MACROD2: variants seen among roughly 807,000 people sequenced by gnomAD.
MACROD2 encodes ADP-ribose glycohydrolase MACROD2.
In MACROD2, 36 loss-of-function variants were observed where a neutral mutation model predicts 70.4. That is an observed-to-expected ratio of 0.51 (90% confidence interval 0.39 to 0.68). The LOEUF is 0.68. Ranked by LOEUF, MACROD2 falls within the 30% of genes least tolerant of loss-of-function variation. The probability of loss-of-function intolerance (pLI) is 0.00; values close to 1 mark genes in which losing one functional copy is unlikely to be tolerated. For synonymous variants in MACROD2, 172 were observed against 178.8 expected, an observed-to-expected ratio of 0.96 and a Z score of 0.30; for missense variants, 496 against 538.4, an observed-to-expected ratio of 0.92 and a Z score of 0.78.
chr20:14,575,017 C>CAAAAAAAAAAAAAAAAAAA (rs1195216470), intron 4 of MACROD2, among the ~76,000 whole-genome samples: 3 of 49,942 alleles, frequency 6.0e-5, no homozygotes, highest in African/African-American at 1.5e-4. Flanking sequence ...GACTCTGTCT[C>CAAAAAAAAAAAAAAAAAAA]AAAAAAAAAA....
At chr20:15,512,054 G>A (rs2047507349) in intron 8 of MACROD2, among the ~76,000 whole-genome samples, 1 of 152,204 alleles carries the variant, frequency 6.6e-6, no homozygotes, top group Non-Finnish European at 1.5e-5. Flanking sequence ...AAAAGGCTAT[G>A]TTAAGTGAGA....
intron 3 of MACROD2, among the ~76,000 whole-genome samples, chr20:14,109,910 TA>T (rs376716569): frequency 6.6e-5 from 10 of 151,382 alleles, no homozygotes; most frequent in East Asian, 1.9e-4. Flanking sequence ...GAAAGACACA[TA>T]AAAAAAACAC....
At chr20:15,879,640 A>G (rs760624142) in intron 9 of MACROD2, among the ~76,000 whole-genome samples, 1 of 152,170 alleles carries the variant, frequency 6.6e-6, no homozygotes, top group Non-Finnish European at 1.5e-5. Flanking sequence ...ACAATTTTTC[A>G]AAAAAAGTTT....
chr20:15,612,436 C>T (rs548923651), intron 8 of MACROD2, among the ~76,000 whole-genome samples: 1 of 152,318 alleles, frequency 6.6e-6, no homozygotes, highest in African/African-American at 2.4e-5. Flanking sequence ...TGTCTTCTCC[C>T]ATTAAGGCCT....
chr20:15,095,276 C>T (rs1010605371), intron 5 of MACROD2, among the ~76,000 whole-genome samples: 4 of 151,414 alleles, frequency 2.6e-5, no homozygotes, highest in Non-Finnish European at 4.4e-5. Flanking sequence ...GGGGTTTCAC[C>T]GTGTTAGCTA....
intron 5 of MACROD2, among the ~76,000 whole-genome samples, chr20:15,084,059 G>GT (rs5840650): frequency 0.49 from 53,730 of 109,950 alleles, 11,580 homozygotes; most frequent in Non-Finnish European, 0.54. Flanking sequence ...GCAACACTAG[G>GT]TTTTTTTTTT....
At chr20:14,254,582 A>C (rs1465477798) in intron 3 of MACROD2, among the ~76,000 whole-genome samples, 1 of 152,094 alleles carries the variant, frequency 6.6e-6, no homozygotes, top group Admixed American at 6.6e-5. Flanking sequence ...TTTTATCTAA[A>C]AGAAATTCAG....
At chr20:15,688,765 C>T (rs2050260527) in intron 8 of MACROD2, among the ~76,000 whole-genome samples, 1 of 151,984 alleles carries the variant, frequency 6.6e-6, no homozygotes, top group Non-Finnish European at 1.5e-5. Flanking sequence ...GGGTCCTATG[C>T]CATATGAATG....
chr20:15,393,046 C>T (rs1257762052), intron 6 of MACROD2, among the ~76,000 whole-genome samples: 1 of 151,914 alleles, frequency 6.6e-6, no homozygotes, highest in Non-Finnish European at 1.5e-5. Context: ...CGCACGCCTC[C>T]ACTCTCATTT....
At chr20:15,926,693 A>G (rs1223758299) in intron 10 of MACROD2, among the ~76,000 whole-genome samples, 1 of 152,086 alleles carries the variant, frequency 6.6e-6, no homozygotes, top group Non-Finnish European at 1.5e-5. Context: ...CTCCAGGTGG[A>G]GGGGTCAGGC....
At chr20:15,632,762 C>T (rs2049309393) in intron 8 of MACROD2, among the ~76,000 whole-genome samples, 1 of 152,040 alleles carries the variant, frequency 6.6e-6, no homozygotes, top group African/African-American at 2.4e-5. Context: ...ATTTATTTAT[C>T]TTGCCTGCCT....
At chr20:15,176,081 C>T (rs2076459280) in intron 5 of MACROD2, among the ~76,000 whole-genome samples, 1 of 152,226 alleles carries the variant, frequency 6.6e-6, no homozygotes, top group Non-Finnish European at 1.5e-5. Context: ...TGCAATGTGG[C>T]CAGGTATGTG....
intron 5 of MACROD2, among the ~76,000 whole-genome samples, chr20:15,079,184 A>G (rs2075683726): frequency 8.5e-6 from 1 of 118,272 alleles, no homozygotes; most frequent in Admixed American, 9.5e-5. Flanking sequence ...TCCTCAGATT[A>G]TCCCATCTAG....
chr20:15,398,987 A>T (rs1404040736), intron 6 of MACROD2, among the ~76,000 whole-genome samples: 1 of 151,974 alleles, frequency 6.6e-6, no homozygotes, highest in Non-Finnish European at 1.5e-5. Context: ...CCAGCTTCAT[A>T]TTGTTGCTTC....
At chr20:14,514,928 C>T (rs1236484413) in intron 4 of MACROD2, among the ~76,000 whole-genome samples, 2 of 152,032 alleles carry the variant, frequency 1.3e-5, no homozygotes, top group Non-Finnish European at 2.9e-5. Context: ...TTAATATTCA[C>T]ATTTTATTTA....
At chr20:14,795,417 T>C (rs935185459) in intron 5 of MACROD2, among the ~76,000 whole-genome samples, 11 of 151,968 alleles carry the variant, frequency 7.2e-5, no homozygotes, top group African/African-American at 2.7e-4. Flanking sequence ...GACATGAGCA[T>C]GGGTAGGAAA....
At chr20:15,137,641 A>T (rs1432803812) in intron 5 of MACROD2, among the ~76,000 whole-genome samples, 2 of 151,482 alleles carry the variant, frequency 1.3e-5, no homozygotes, top group Non-Finnish European at 2.9e-5. Flanking sequence ...GCACACCAGC[A>T]TGTCACATGT....
intron 3 of MACROD2, among the ~76,000 whole-genome samples, chr20:14,446,532 C>A (rs2084184906): frequency 6.6e-6 from 1 of 152,060 alleles, no homozygotes; most frequent in African/African-American, 2.4e-5. Context: ...CTTTGGGACC[C>A]CATTTCAACT....
intron 5 of MACROD2, among the ~76,000 whole-genome samples, chr20:15,001,932 C>T (rs570231668): frequency 1.5e-4 from 23 of 151,042 alleles, no homozygotes; most frequent in Non-Finnish European, 2.5e-4. Flanking sequence ...CATAGCTTAG[C>T]GCGTGTGCAT....
Sources: allele counts gnomAD v4.1 joint callset (sites outside exome capture counted in the v4.1 genomes callset), GRCh38; gene constraint gnomAD v4.1.1; transcripts MANE v1.5; gene names NCBI Gene and HGNC (gene_info 2026-07-23, HGNC 2026-07-21).